The following RAC1 variants were observed in gnomAD, a reference collection of about 807,000 sequenced individuals.
RAC1 encodes ras-related C3 botulinum toxin substrate 1.
A neutral mutation model predicts 25.2 loss-of-function variants in RAC1; 2 were observed. The ratio of observed to expected loss-of-function variants is 0.08; its 90% confidence interval spans 0.03 to 0.25. The LOEUF (loss-of-function observed/expected upper bound fraction) is 0.25, where lower values mean the gene tolerates loss of function less well. RAC1 is among the 10% of genes least tolerant of loss of function. RAC1 has a pLI of 1.00. For missense variants in RAC1, 50 were observed against 235.7 expected, an observed-to-expected ratio of 0.21 and a Z score of 5.16; for synonymous variants, 88 against 94.0, an observed-to-expected ratio of 0.94 and a Z score of 0.37.
intron 1 of RAC1, among the ~76,000 whole-genome samples, chr7:6,384,042 G>A (rs1483585026): frequency 1.3e-5 from 2 of 151,634 alleles, no homozygotes; most frequent in Non-Finnish European, 2.9e-5. Context: ...TGATCCGCCC[G>A]CCTTGGCCTC....
chr7:6,395,265 C>A (rs1331592243), intron 3 of RAC1, among the ~76,000 whole-genome samples: 1 of 152,178 alleles, frequency 6.6e-6, no homozygotes, highest in Non-Finnish European at 1.5e-5. Flanking sequence ...TACGCCTGGC[C>A]AGTGCTAGAG....
Position 6,381,827 on chromosome 7 carries a change from G to C in RAC1, c.36-5385G>C, listed in dbSNP as rs116544084. 8.8e-3 allele frequency among the ~76,000 whole-genome samples: 1,345 copies of C among 152,202 alleles called. 23 individuals carry two copies. Among genetic ancestry groups the C allele is most frequent in the African/African-American group, 0.031 (1,291 of 41,534 alleles). ...GTATTTTTCTGGACAGATTTTATCT[G>C]CATAGTTAACGCAGTTATATATAAG... On this transcript the variant is annotated intron_variant, in intron 1 of 5. Transcript: ENST00000348035.
At chr7:6,389,554 A>G (rs1674274233) in intron 2 of RAC1, among the ~76,000 whole-genome samples, 1 of 151,674 alleles carries the variant, frequency 6.6e-6, no homozygotes. Context: ...GTGGCACATG[A>G]CTATAATCCC....
intron 1 of RAC1, among the ~76,000 whole-genome samples, chr7:6,384,267 A>G (rs1301605316): frequency 6.6e-6 from 1 of 152,084 alleles, no homozygotes; most frequent in Non-Finnish European, 1.5e-5. Context: ...CCAGGCCACC[A>G]TGGATGGCTC....
chr7:6,384,785 G>A (rs879698018), intron 1 of RAC1, among the ~76,000 whole-genome samples: 24 of 151,822 alleles, frequency 1.6e-4, no homozygotes, highest in Middle Eastern at 6.8e-3. Context: ...ACTGCACCAG[G>A]CTTTTATTTT....
intron 3 of RAC1, among the ~76,000 whole-genome samples, chr7:6,397,240 CA>C (rs375004213): frequency 0.52 from 53,965 of 104,348 alleles, 11,982 homozygotes; most frequent in East Asian, 0.87. Flanking sequence ...GACTCTGTCT[CA>C]AAAAAAAAAA....
chr7:6,381,483 C>G (rs1003284705), intron 1 of RAC1, among the ~76,000 whole-genome samples: 2 of 151,532 alleles, frequency 1.3e-5, no homozygotes, highest in Non-Finnish European at 2.9e-5. Flanking sequence ...ACCTCTGCCT[C>G]CCAGGTTCAA....
chr7:6,376,431 G>A (rs1327808791), intron 1 of RAC1, among the ~76,000 whole-genome samples: 2 of 151,120 alleles, frequency 1.3e-5, no homozygotes, highest in African/African-American at 2.4e-5. Context: ...TGATCCACCC[G>A]CCTGGGTCTC....
intron 1 of RAC1, among the ~76,000 whole-genome samples, chr7:6,385,653 T>C (rs988407289): frequency 7.9e-5 from 12 of 152,230 alleles, no homozygotes; most frequent in African/African-American, 2.4e-4. Flanking sequence ...TTCCAACTTT[T>C]GTTAAGCCCT....
At chr7:6,380,156 G>A (rs533608667) in intron 1 of RAC1, among the ~76,000 whole-genome samples, 1 of 152,248 alleles carries the variant, frequency 6.6e-6, no homozygotes, top group South Asian at 2.1e-4. Context: ...CTTTACTTCT[G>A]TTGAACGGTG....
chr7:6,382,186 A>G (rs1375132562), intron 1 of RAC1, among the ~76,000 whole-genome samples: 1 of 151,984 alleles, frequency 6.6e-6, no homozygotes, highest in Non-Finnish European at 1.5e-5. Context: ...ATAGAGATGC[A>G]GTTTCGCTGT....
Position 6,402,632 on chromosome 7 carries a change from T to C in RAC1, c.*186T>C, listed in dbSNP as rs1783448412. ...TGAACCAATCAGTAATTTTAAGGTT[T>C]TGTTTGTTCTAAATGTAAGAGTTCA... On this transcript the variant is annotated 3_prime_UTR_variant, in exon 6 of 6. Transcript: ENST00000348035. 1.8e-6 allele frequency: 1 copy of C among 547,266 alleles called. No individual in the cohort carries two copies. The highest frequency in any genetic ancestry group is 2.9e-6 in the Non-Finnish European group (1 of 350,462). The allele number at this position is 547,266 out of a possible 1,614,324, so 33.9% of individuals were successfully genotyped here.
intron 3 of RAC1, among the ~76,000 whole-genome samples, chr7:6,393,253 A>G (rs571349058): frequency 7.2e-5 from 11 of 152,348 alleles, no homozygotes; most frequent in South Asian, 2.1e-4. Context: ...AAATCAGTCT[A>G]TAATCCCCAG....
intron 2 of RAC1, 78 bp from the exon 3 acceptor site, chr7:6,391,846 G>A: frequency 6.3e-7 from 1 of 1,599,928 alleles, no homozygotes; most frequent in Non-Finnish European, 8.5e-7. Flanking sequence ...CTTTTTCTTG[G>A]CACACCTTCT....
At chr7:6,395,352 G>A (rs1200213647) in intron 3 of RAC1, among the ~76,000 whole-genome samples, 1 of 152,206 alleles carries the variant, frequency 6.6e-6, no homozygotes, top group Non-Finnish European at 1.5e-5. Context: ...GCAGTTTTGA[G>A]TTTCAAAAGG....
chr7:6,402,269 G>T (rs1451151840), intron 5 of RAC1, 47 bp from the exon 6 acceptor site: 7 of 1,559,672 alleles, frequency 4.5e-6, no homozygotes, highest in African/African-American at 1.4e-5. Flanking sequence ...GTGATCAGAA[G>T]AGAGTGGGGT....
intron 2 of RAC1, among the ~76,000 whole-genome samples, chr7:6,390,544 G>C (rs904107844): frequency 2.6e-5 from 4 of 151,436 alleles, no homozygotes; most frequent in Non-Finnish European, 5.9e-5. Flanking sequence ...AGGTTGCAGT[G>C]AGCCGAGATC....
chr7:6,392,127 C>G (rs1783107895), intron 3 of RAC1, 86 bp downstream of exon 3: 1 of 1,585,324 alleles, frequency 6.3e-7, no homozygotes, highest in African/African-American at 1.3e-5. Context: ...TATGGACTTG[C>G]TTATATTGCC....
chr7:6,376,223 C>T (rs1257545808), intron 1 of RAC1, among the ~76,000 whole-genome samples: 9 of 113,648 alleles, frequency 7.9e-5, no homozygotes, highest in African/African-American at 1.4e-4. Flanking sequence ...CACTCTGTTG[C>T]CCAGGCTGGA....
Sources: allele counts gnomAD v4.1 joint callset (sites outside exome capture counted in the v4.1 genomes callset), GRCh38; gene constraint gnomAD v4.1.1; transcripts MANE v1.5; gene names NCBI Gene and HGNC (gene_info 2026-07-23, HGNC 2026-07-21).